The following IGF2BP3 variants were observed in gnomAD, a reference collection of about 807,000 sequenced individuals.
IGF2BP3 encodes the protein insulin like growth factor 2 mRNA binding protein 3.
IGF2BP3 carries 9 observed loss-of-function variants against 73.8 expected under a neutral mutation model. The observed-to-expected ratio is 0.12, with a 90% CI of 0.07 to 0.21. The LOEUF (loss-of-function observed/expected upper bound fraction) is 0.21. Among genes scored for constraint, IGF2BP3 ranks in the 10% least tolerant of loss-of-function variants. The pLI, the probability that IGF2BP3 is intolerant of heterozygous loss-of-function variation, is 1.00. For missense variants in IGF2BP3, 542 were observed against 714.0 expected, an observed-to-expected ratio of 0.76 and a Z score of 2.75; for synonymous variants, 258 against 256.7, an observed-to-expected ratio of 1.01 and a Z score of -0.05.
intron 2 of IGF2BP3, among the ~76,000 whole-genome samples, chr7:23,437,630 T>C (rs1423724505): frequency 6.6e-6 from 1 of 152,202 alleles, no homozygotes; most frequent in South Asian, 2.1e-4. Flanking sequence ...CTGCTGTACA[T>C]GAAAAGTTAC....
At chr7:23,384,095 C>CAAA (rs35378177) in intron 3 of IGF2BP3, among the ~76,000 whole-genome samples, 54 of 62,366 alleles carry the variant, frequency 8.7e-4, no homozygotes, top group Non-Finnish European at 1.3e-3. Context: ...GACTCCATCT[C>CAAA]AAAAAAAAAA....
intron 2 of IGF2BP3, among the ~76,000 whole-genome samples, chr7:23,462,584 G>C (rs181673134): frequency 6.6e-6 from 1 of 152,012 alleles, no homozygotes; most frequent in Non-Finnish European, 1.5e-5. Flanking sequence ...GGATGGTCTC[G>C]ATCTCCTGAC....
chr7:23,366,143 C>CTT (rs879535310), intron 3 of IGF2BP3, among the ~76,000 whole-genome samples: 7 of 143,864 alleles, frequency 4.9e-5, no homozygotes, highest in East Asian at 4.0e-4. Context: ...CCGTGTAAAT[C>CTT]TTTTTTTTTT....
intron 2 of IGF2BP3, among the ~76,000 whole-genome samples, chr7:23,455,555 T>G (rs1788295831): frequency 6.6e-6 from 1 of 152,224 alleles, no homozygotes; most frequent in African/African-American, 2.4e-5. Flanking sequence ...TTGGAGAGAT[T>G]TTAACCCACC....
At chr7:23,327,036 G>A (rs1313434092) in intron 10 of IGF2BP3, among the ~76,000 whole-genome samples, 1 of 151,382 alleles carries the variant, frequency 6.6e-6, no homozygotes, top group Admixed American at 6.6e-5. Flanking sequence ...CCTGCACATT[G>A]TGCACATGTA....
chr7:23,350,732 C>T (rs1040444175), intron 6 of IGF2BP3, among the ~76,000 whole-genome samples: 2 of 152,232 alleles, frequency 1.3e-5, no homozygotes, highest in African/African-American at 4.8e-5. Flanking sequence ...GCTTTCTGCT[C>T]CTGATAATTA....
In IGF2BP3 at chr7:23,468,415, C is replaced by G. The variant is rs147782909; in HGVS notation, c.236+67G>C. 6 of 1,532,260 alleles carry G rather than the reference C, an allele frequency of 3.9e-6. No individual in the cohort carries two copies. The African/African-American group carries it at 6.8e-5, about 17-fold the overall frequency. 94.9% of individuals were successfully genotyped at this position (1,532,260 alleles called of 1,614,324 possible). On this transcript the variant is annotated intron_variant, in intron 2 of 14. Coordinates refer to ENST00000258729, the MANE Select transcript of IGF2BP3 (RefSeq NM_006547.3). The stretch of plus-strand genomic sequence containing the variant: ...TAAGCACCAGAGGACAAGAAGTTCT[C>G]AGCTGAGTCTCTCCACCCAATAACG...
intron 2 of IGF2BP3, among the ~76,000 whole-genome samples, chr7:23,421,005 T>C (rs879707660): frequency 2.6e-5 from 4 of 152,152 alleles, no homozygotes; most frequent in African/African-American, 9.7e-5. Flanking sequence ...AGTTTTATAT[T>C]TTCTTTTTCT....
At chr7:23,461,658 C>T (rs188697510) in intron 2 of IGF2BP3, among the ~76,000 whole-genome samples, 1 of 152,280 alleles carries the variant, frequency 6.6e-6, no homozygotes, top group East Asian at 1.9e-4. Context: ...TCATTACCTC[C>T]AAAGCTAGTA....
chr7:23,410,417 A>C (rs274036), intron 3 of IGF2BP3, among the ~76,000 whole-genome samples: 9,356 of 152,206 alleles, frequency 0.061, 721 homozygotes, highest in African/African-American at 0.18. Context: ...AAAATGACAG[A>C]AGCACAGGAC....
At chr7:23,431,539 A>T (rs1474253097) in intron 2 of IGF2BP3, among the ~76,000 whole-genome samples, 1 of 152,168 alleles carries the variant, frequency 6.6e-6, no homozygotes, top group Non-Finnish European at 1.5e-5. Flanking sequence ...CATCTAGTGG[A>T]TTAACAGAGG....
At chr7:23,423,431 T>TA (rs1352363553) in intron 2 of IGF2BP3, among the ~76,000 whole-genome samples, 1 of 152,238 alleles carries the variant, frequency 6.6e-6, no homozygotes, top group African/African-American at 2.4e-5. Flanking sequence ...CATATTTTAA[T>TA]AGAGTGTTTC....
chr7:23,361,880 A>G lies in IGF2BP3; in HGVS notation c.286-139T>C, dbSNP rs1019590234. ...ATCTGGGGCTTTGGACTGCAGAACT[A>G]AGGGATGGATACCACAAATATCACA... is the stretch of plus-strand genomic sequence containing the variant. On this transcript the variant is annotated intron_variant, in intron 3 of 14. Transcript: ENST00000258729. 3 of 655,448 alleles carry G rather than the reference A, an allele frequency of 4.6e-6. No individual in the cohort carries two copies. The African/African-American group carries it at 5.5e-5, about 12-fold the overall frequency. The allele number at this position is 655,448 out of a possible 1,614,324, so 40.6% of individuals were successfully genotyped here.
intron 2 of IGF2BP3, among the ~76,000 whole-genome samples, chr7:23,432,784 G>A (rs1787718460): frequency 6.6e-6 from 1 of 152,120 alleles, no homozygotes; most frequent in African/African-American, 2.4e-5. Context: ...GGGACTACAG[G>A]CATGCGCTAC....
chr7:23,442,365 T>C (rs1787957009), intron 2 of IGF2BP3, among the ~76,000 whole-genome samples: 1 of 152,156 alleles, frequency 6.6e-6, no homozygotes, highest in Non-Finnish European at 1.5e-5. Context: ...TCTTAGGTTT[T>C]ATGCAAGGTC....
intron 10 of IGF2BP3, among the ~76,000 whole-genome samples, chr7:23,330,739 G>A (rs997474890): frequency 3.3e-5 from 5 of 151,712 alleles, no homozygotes; most frequent in South Asian, 2.1e-4. Context: ...TCTTTATAGC[G>A]GTGTGAAAAC....
intron 2 of IGF2BP3, among the ~76,000 whole-genome samples, chr7:23,462,737 CTATAGTT>C (rs1344014066): frequency 6.6e-6 from 1 of 152,132 alleles, no homozygotes; most frequent in Non-Finnish European, 1.5e-5. Flanking sequence ...TCTAAAATAT[CTATAGTT>C]TATGTACTAC....
In IGF2BP3 at chr7:23,458,685, C is replaced by CA. The variant is rs140031988; in HGVS notation, c.236+9796dup. On this transcript the variant is annotated intron_variant, in intron 2 of 14. Coordinates refer to ENST00000258729, the MANE Select transcript of IGF2BP3 (RefSeq NM_006547.3). ...GAAGCTACTAAAAAACACATTGAAA[C>CA]AAAAAAAGTCTCATTTTTCTGTCTT... Among the ~76,000 whole-genome samples the CA allele has an allele frequency of 5.9e-3, 902 of 152,058 alleles. 6 individuals carry two copies. The highest frequency in any genetic ancestry group is 0.021 in the African/African-American group (852 of 41,504).
In IGF2BP3 at chr7:23,320,947, CA is replaced by C. The variant is rs70966008; in HGVS notation, c.1204-1694del. On this transcript the variant is annotated intron_variant, in intron 10 of 14. Coordinates refer to ENST00000258729, the MANE Select transcript of IGF2BP3 (RefSeq NM_006547.3). ...CCTGGGTGAGAGTGAAACTCTGTCT[CA>C]AAAAAAAAAAAAAAAAAAAAAGAAA... is the stretch of plus-strand genomic sequence containing the variant. 9.2e-3 allele frequency among the ~76,000 whole-genome samples: 887 copies of C among 96,464 alleles called. 6 individuals carry two copies. The highest frequency in any genetic ancestry group is 0.041 in the African/African-American group (820 of 20,056). The allele number at this position is 96,464 out of a possible 152,430, so 63.3% of individuals were successfully genotyped here.
Sources: gnomAD v4.1 joint callset for allele counts (sites outside exome capture counted in the v4.1 genomes callset) on GRCh38, gnomAD v4.1.1 for gene constraint, MANE v1.5 for transcripts, NCBI Gene and HGNC (gene_info 2026-07-23, HGNC 2026-07-21) for gene names.